Variants in NXPE2 observed in about 807,000 individuals in gnomAD.
NXPE2 encodes neurexophilin and PC-esterase domain family member 2.
Under a neutral mutation model 34.4 loss-of-function variants are expected in NXPE2, and 34 were observed. That is an observed-to-expected ratio of 0.99 (90% CI 0.75 to 1.31). NXPE2 has a LOEUF of 1.31. Ranked by LOEUF, NXPE2 falls within the 40% of genes most tolerant of loss-of-function variation. NXPE2 has a pLI of 0.00. For synonymous variants in NXPE2, 235 were observed against 231.3 expected (o/e 1.02, Z -0.15); for missense variants, 649 against 672.5 (o/e 0.97, Z 0.39).
the NXPE2 span, among the ~76,000 whole-genome samples, chr11:114,564,469 A>AT: frequency 6.6e-6 from 1 of 152,202 alleles, no homozygotes; most frequent in African/African-American, 2.4e-5. Context: ...AGTAAGATAC[A>AT]TTCCCTGCCC....
At chr11:114,793,241 C>T in the NXPE2 span, among the ~76,000 whole-genome samples, 89 of 152,214 alleles carry the variant, frequency 5.8e-4, no homozygotes, top group East Asian at 8.3e-3. Context: ...CTTCAATTTT[C>T]CTTCAGTTGT....
the NXPE2 span, among the ~76,000 whole-genome samples, chr11:114,600,567 T>C: frequency 3.9e-5 from 6 of 152,036 alleles, no homozygotes; most frequent in Non-Finnish European, 8.8e-5. Context: ...CAAAATAATA[T>C]TTTTCTAAAG....
At chr11:114,745,537 G>A in the NXPE2 span, among the ~76,000 whole-genome samples, 1 of 152,158 alleles carries the variant, frequency 6.6e-6, no homozygotes, top group African/African-American at 2.4e-5. Context: ...TTCAACATGA[G>A]TCTTGACAGA....
chr11:114,510,729 T>TGATA, the NXPE2 span, among the ~76,000 whole-genome samples: 1 of 152,176 alleles, frequency 6.6e-6, no homozygotes, highest in Non-Finnish European at 1.5e-5. Flanking sequence ...GCACATTGTC[T>TGATA]GATAGTGCTG....
the NXPE2 span, among the ~76,000 whole-genome samples, chr11:114,751,745 T>G: frequency 6.6e-6 from 1 of 152,170 alleles, no homozygotes; most frequent in African/African-American, 2.4e-5. Flanking sequence ...AAAGGGACTT[T>G]GAATCAGTGA....
At chr11:114,766,818 T>C in the NXPE2 span, among the ~76,000 whole-genome samples, 1 of 152,158 alleles carries the variant, frequency 6.6e-6, no homozygotes, top group Non-Finnish European at 1.5e-5. Flanking sequence ...AATTAACTCA[T>C]GATCTCTTTG....
the NXPE2 span, among the ~76,000 whole-genome samples, chr11:114,724,887 AT>A: frequency 8.9e-6 from 1 of 111,996 alleles, no homozygotes; most frequent in African/African-American, 3.4e-5. Context: ...GCCTTCAGAA[AT>A]GGTTTTTTTT....
At chr11:114,710,940 A>T (rs1273201983), downstream of NXPE2, among the ~76,000 whole-genome samples, 2 of 152,336 alleles carry the variant, frequency 1.3e-5, no homozygotes, top group East Asian at 3.9e-4. Context: ...GGCTCAACAT[A>T]TGAAAATCAG....
chr11:114,522,493 A>T, the NXPE2 span: 1 of 1,597,494 alleles, frequency 6.3e-7, no homozygotes, highest in African/African-American at 1.3e-5. Context: ...GAAGATCAAA[A>T]AACTTCAGTG....
At chr11:114,603,904 TC>T in the NXPE2 span, among the ~76,000 whole-genome samples, 2 of 150,326 alleles carry the variant, frequency 1.3e-5, no homozygotes, top group Non-Finnish European at 3.0e-5. Flanking sequence ...TTGCCTCGTC[TC>T]CAAGGGTAAC....
chr11:114,646,895 A>G, the NXPE2 span, among the ~76,000 whole-genome samples: 43 of 152,332 alleles, frequency 2.8e-4, no homozygotes, highest in African/African-American at 9.9e-4. Context: ...GATAGAAGCA[A>G]GGCAAATGAT....
At chr11:114,616,952 C>A in the NXPE2 span, among the ~76,000 whole-genome samples, 1 of 146,562 alleles carries the variant, frequency 6.8e-6, no homozygotes, top group African/African-American at 2.8e-5. Context: ...TTGTGGGTAT[C>A]CACTCTTACC....
chr11:114,682,394 C>G (rs1950964095), intron 2 of NXPE2, among the ~76,000 whole-genome samples: 1 of 152,112 alleles, frequency 6.6e-6, no homozygotes, highest in Non-Finnish European at 1.5e-5. Context: ...AAGATAGTCC[C>G]TGGGCCTTGA....
chr11:114,472,468 C>G, the NXPE2 span, among the ~76,000 whole-genome samples: 1 of 152,156 alleles, frequency 6.6e-6, no homozygotes, highest in African/African-American at 2.4e-5. Context: ...TCAAAGCCAT[C>G]CTGGGTCACA....
intron 3 of NXPE2, among the ~76,000 whole-genome samples, chr11:114,700,512 G>A (rs939775124): frequency 6.6e-6 from 1 of 152,060 alleles, no homozygotes; most frequent in Non-Finnish European, 1.5e-5. Flanking sequence ...GTGCAGAAAG[G>A]CTGGAACGCG....
the NXPE2 span, among the ~76,000 whole-genome samples, chr11:114,496,615 T>G: frequency 6.6e-6 from 1 of 152,188 alleles, no homozygotes; most frequent in Non-Finnish European, 1.5e-5. Context: ...TTTGTTTTGT[T>G]TTTTAATCAT....
At chr11:114,741,464 C>T in the NXPE2 span, among the ~76,000 whole-genome samples, 48 of 152,110 alleles carry the variant, frequency 3.2e-4, no homozygotes, top group Non-Finnish European at 3.2e-4. Context: ...TGTGAGCTCT[C>T]TTGGTGGTGT....
At chr11:114,530,858 G>A in the NXPE2 span, 117 of 1,613,706 alleles carry the variant, frequency 7.3e-5, no homozygotes, top group Middle Eastern at 1.7e-4. Flanking sequence ...AGGACTTTGC[G>A]GAGTTGTTCC....
the NXPE2 span, chr11:114,522,816 AC>A: frequency 7.2e-5 from 83 of 1,152,778 alleles, 2 homozygotes; most frequent in Middle Eastern, 1.4e-3. Flanking sequence ...GAGAATAGAG[AC>A]CTCATTAAAA....
Sources: allele counts gnomAD v4.1 joint callset (sites outside exome capture counted in the v4.1 genomes callset), GRCh38; gene constraint gnomAD v4.1.1; transcripts MANE v1.5; gene names NCBI Gene and HGNC (gene_info 2026-07-23, HGNC 2026-07-21).